GALNTL6: variants seen among roughly 807,000 people sequenced by gnomAD.
The protein encoded by GALNTL6 is polypeptide N-acetylgalactosaminyltransferase-like 6.
In GALNTL6, 46 loss-of-function variants were observed where a neutral mutation model predicts 73.7. The ratio of observed to expected loss-of-function variants is 0.62; its 90% CI spans 0.49 to 0.80. The LOEUF is 0.80. Ranked by LOEUF, GALNTL6 falls within the 30% of genes least tolerant of loss-of-function variation. The pLI, the probability that GALNTL6 is intolerant of heterozygous loss-of-function variation, is 0.00. For synonymous variants in GALNTL6, 259 were observed against 263.7 expected (o/e 0.98, Z 0.17); for missense variants, 604 against 755.0 (o/e 0.80, Z 2.34).
intron 3 of GALNTL6, among the ~76,000 whole-genome samples, chr4:172,262,131 G>A (rs971693451): frequency 1.3e-5 from 2 of 151,434 alleles, no homozygotes; most frequent in Non-Finnish European, 3.0e-5. Flanking sequence ...AGAATGTTCT[G>A]TAAATATCTG....
At chr4:172,162,462 A>T (rs1416110564) in intron 2 of GALNTL6, among the ~76,000 whole-genome samples, 1 of 151,996 alleles carries the variant, frequency 6.6e-6, no homozygotes, top group Non-Finnish European at 1.5e-5. Context: ...TATTAAATAA[A>T]GAATAAAAGA....
At chr4:173,023,522 T>A (rs976741053) in intron 12 of GALNTL6, among the ~76,000 whole-genome samples, 7 of 152,126 alleles carry the variant, frequency 4.6e-5, no homozygotes, top group Non-Finnish European at 1.0e-4. Flanking sequence ...CCAGGCATGT[T>A]GGTGCATGCC....
At chr4:172,945,036 C>T (rs1044933145) in intron 9 of GALNTL6, among the ~76,000 whole-genome samples, 1 of 86,674 alleles carries the variant, frequency 1.2e-5, no homozygotes, top group Non-Finnish European at 2.3e-5. Context: ...CCAGCCTGGG[C>T]AAAAAGAGCA....
intron 2 of GALNTL6, among the ~76,000 whole-genome samples, chr4:172,109,013 C>CAAAAAAAAA (rs202017302): frequency 1.8e-5 from 2 of 108,332 alleles, no homozygotes; most frequent in Non-Finnish European, 3.9e-5. Flanking sequence ...ACTCCATCTC[C>CAAAAAAAAA]AAAAAAAAAA....
intron 2 of GALNTL6, among the ~76,000 whole-genome samples, chr4:171,999,785 G>A (rs898763368): frequency 2.6e-5 from 4 of 151,884 alleles, no homozygotes; most frequent in African/African-American, 7.3e-5. Flanking sequence ...TCCTTGTATT[G>A]TGCTGTAAAG....
intron 2 of GALNTL6, among the ~76,000 whole-genome samples, chr4:171,879,745 G>A (rs767302955): frequency 6.6e-5 from 10 of 152,118 alleles, no homozygotes; most frequent in Non-Finnish European, 1.5e-4. Flanking sequence ...GGCTTTCCCA[G>A]AAATATTAGA....
Position 171,874,664 on chromosome 4 carries a change from G to A in GALNTL6, c.138+59946G>A, listed in dbSNP as rs1736226141. Among the ~76,000 whole-genome samples the A allele has an allele frequency of 2.0e-5, 3 of 152,162 alleles. 1 individual carries two copies. On this transcript the variant is annotated intron_variant, in intron 2 of 12. Coordinates refer to ENST00000506823, the MANE Select transcript of GALNTL6 (RefSeq NM_001034845.3). ...TAGGGAGTTGTAGGAACAGACACTT[G>A]CAGCGGAAGTATTGAGTTTTTGTCC...
intron 5 of GALNTL6, among the ~76,000 whole-genome samples, chr4:172,706,856 T>C (rs981559777): frequency 2.0e-5 from 3 of 152,270 alleles, no homozygotes; most frequent in African/African-American, 7.2e-5. Flanking sequence ...GCTGTCTCCT[T>C]TGGCTGAGAT....
intron 5 of GALNTL6, among the ~76,000 whole-genome samples, chr4:172,617,885 T>G (rs557958608): frequency 4.6e-5 from 7 of 152,302 alleles, no homozygotes; most frequent in Admixed American, 2.0e-4. Context: ...ACCACCCCTT[T>G]GCTGCTATTA....
rs188920683 is a variant in GALNTL6, at chr4:173,003,086, T to C, written c.1372-6092T>C. Reference sequence around the variant, plus strand: ...TACACAACATTTTGAATGCACTTAATGCTATTCAATTGAACATTTAAAATG... The same window carrying C: ...TACACAACATTTTGAATGCACTTAACGCTATTCAATTGAACATTTAAAATG... On this transcript the variant is annotated intron_variant, in intron 10 of 12. Coordinates refer to ENST00000506823, the MANE Select transcript of GALNTL6 (RefSeq NM_001034845.3). Among the ~76,000 whole-genome samples, 223 of 152,326 alleles carry C rather than the reference T, an allele frequency of 1.5e-3. 1 individual carries two copies. The highest frequency in any genetic ancestry group is 2.4e-3 in the Non-Finnish European group (165 of 68,032).
rs532769981 is a variant in GALNTL6, at chr4:172,930,165, C to T, written c.1042-996C>T. ...TGGTAGCGGGCACCTATAATCTCAGCCACTTGGGAGGCTGAGGCAGGAGAA... is the reference window on the plus strand; with the variant it reads ...TGGTAGCGGGCACCTATAATCTCAGTCACTTGGGAGGCTGAGGCAGGAGAA... On this transcript the variant is annotated intron_variant, in intron 8 of 12. Transcript: ENST00000506823. Among the ~76,000 whole-genome samples, 12 of 152,134 alleles carry T rather than the reference C, an allele frequency of 7.9e-5. 1 individual carries two copies. In the South Asian group the frequency reaches 2.5e-3, roughly 32 times the overall value.
At position 171,861,568 on chromosome 4, in the gene GALNTL6, A is replaced by G. The variant is rs77069180; in HGVS notation, c.138+46850A>G. On this transcript the variant is annotated intron_variant, in intron 2 of 12. Coordinates refer to ENST00000506823, the MANE Select transcript of GALNTL6 (RefSeq NM_001034845.3). ...GGATGTGTTTTCCTCTCTTCCATCA[A>G]TCTTCCTCAGTTTTTAAGACCCAGG... is the stretch of plus-strand genomic sequence containing the variant. 2.7e-3 allele frequency among the ~76,000 whole-genome samples: 412 copies of G among 151,988 alleles called. 13 individuals are homozygous for G. In the East Asian group the frequency reaches 0.064, roughly 24 times the overall value.
intron 2 of GALNTL6, among the ~76,000 whole-genome samples, chr4:171,885,477 T>G (rs571047487): frequency 1.3e-5 from 2 of 152,276 alleles, no homozygotes; most frequent in East Asian, 3.9e-4. Context: ...CATAAGTATT[T>G]TAATGCAAAA....
At chr4:172,652,160 C>T (rs1309662756) in intron 5 of GALNTL6, among the ~76,000 whole-genome samples, 1 of 152,156 alleles carries the variant, frequency 6.6e-6, no homozygotes, top group African/African-American at 2.4e-5. Flanking sequence ...GATTAGTTTT[C>T]CCTTTGTCAG....
At chr4:172,598,659 A>G (rs745898673) in intron 5 of GALNTL6, among the ~76,000 whole-genome samples, 1 of 152,134 alleles carries the variant, frequency 6.6e-6, no homozygotes, top group Non-Finnish European at 1.5e-5. Flanking sequence ...GTTTTAAATC[A>G]TGCAATTTTG....
intron 5 of GALNTL6, among the ~76,000 whole-genome samples, chr4:172,805,290 T>TA (rs1466870395): frequency 3.3e-5 from 5 of 152,212 alleles, no homozygotes; most frequent in Non-Finnish European, 5.9e-5. Context: ...TGAATGGTTA[T>TA]TCTCCATATA....
At chr4:172,640,135 A>T (rs1483459117) in intron 5 of GALNTL6, among the ~76,000 whole-genome samples, 5 of 152,088 alleles carry the variant, frequency 3.3e-5, no homozygotes, top group African/African-American at 9.7e-5. Flanking sequence ...GTTCACTGAA[A>T]CTGATCTTAT....
chr4:172,417,875 A>G (rs1238288289), intron 5 of GALNTL6, among the ~76,000 whole-genome samples: 2 of 152,184 alleles, frequency 1.3e-5, no homozygotes, highest in Admixed American at 1.3e-4. Flanking sequence ...CCATGAAAAG[A>G]AAGTTTCTCA....
At chr4:172,868,163 C>A (rs539515323) in intron 7 of GALNTL6, among the ~76,000 whole-genome samples, 1 of 152,186 alleles carries the variant, frequency 6.6e-6, no homozygotes, top group Non-Finnish European at 1.5e-5. Flanking sequence ...GACCTGGTGA[C>A]TGCAATTTGC....
Sources: gnomAD v4.1 joint callset for allele counts (sites outside exome capture counted in the v4.1 genomes callset) on GRCh38, gnomAD v4.1.1 for gene constraint, MANE v1.5 for transcripts, NCBI Gene and HGNC (gene_info 2026-07-23, HGNC 2026-07-21) for gene names.